RGS9: variants seen among roughly 807,000 people sequenced by gnomAD.
RGS9 encodes the protein regulator of G-protein signalling 9.
A neutral mutation model predicts 102.0 loss-of-function variants in RGS9; 78 were observed. That is an observed-to-expected ratio of 0.76 (90% CI 0.64 to 0.92). RGS9 has a LOEUF of 0.92. RGS9 is among the 40% of genes least tolerant of loss of function. The probability of loss-of-function intolerance (pLI) is 0.00; values close to 1 mark genes in which losing one functional copy is unlikely to be tolerated. For missense variants in RGS9, 833 were observed against 866.1 expected, an observed-to-expected ratio of 0.96 and a Z score of 0.48; for synonymous variants, 353 against 318.6, an observed-to-expected ratio of 1.11 and a Z score of -1.15.
chr17:65,141,827 T>C (rs1197491900), intron 1 of RGS9, among the ~76,000 whole-genome samples: 2 of 151,622 alleles, frequency 1.3e-5, no homozygotes, highest in East Asian at 3.9e-4. Context: ...AGGAAATGAG[T>C]GACATTTTAG....
intron 1 of RGS9, among the ~76,000 whole-genome samples, chr17:65,145,693 A>C (rs2007246): frequency 0.37 from 55,782 of 151,736 alleles, 14,574 homozygotes; most frequent in African/African-American, 0.75. Context: ...GTGCACCTGG[A>C]CTCATTTCAC....
At chr17:65,155,151 C>T (rs141889622) in intron 2 of RGS9, among the ~76,000 whole-genome samples, 30 of 152,358 alleles carry the variant, frequency 2.0e-4, no homozygotes, top group African/African-American at 6.7e-4. Flanking sequence ...ACCAGCGTAG[C>T]TCTGGGCACC....
Position 65,158,363 on chromosome 17 carries a change from A to G in RGS9, c.205+18A>G. The G allele has an allele frequency of 4.3e-6, 7 of 1,611,950 alleles. No homozygotes were observed. The highest frequency in any genetic ancestry group is 5.9e-6 in the Non-Finnish European group (7 of 1,178,090). On this transcript the variant is annotated intron_variant, in intron 3 of 18. Transcript: ENST00000262406. Reference sequence around the variant, plus strand: ...CAGTCTGGGTGAGAGCTCATCTGGCACTCAGTTATCCGGGACAGCTTTGTG... The same window carrying G: ...CAGTCTGGGTGAGAGCTCATCTGGCGCTCAGTTATCCGGGACAGCTTTGTG...
In RGS9 at chr17:65,160,599, A is replaced by G. The variant is rs1462109038; in HGVS notation, c.364+12A>G. The G allele has an allele frequency of 6.2e-7, 1 of 1,613,836 alleles. No homozygotes were observed. Among genetic ancestry groups the G allele is most frequent in the Non-Finnish European group, 8.5e-7 (1 of 1,179,824 alleles). On this transcript the variant is annotated intron_variant, in intron 5 of 18. Coordinates refer to ENST00000262406, the MANE Select transcript of RGS9 (RefSeq NM_003835.4). ...AGATACCGATTACGGTAAATACTTC[A>G]GCCCCAACTATGCCTTTGGTAGTGC...
rs781522547 is a variant in RGS9 at position 65,173,683 on chromosome 17, C to T, written c.583-4049C>T. ...GCCTCCTTATCTGCGGGCCACACAC[C>T]GCAGGATGCATCGGCTGCCCTTATT... On this transcript the variant is annotated intron_variant, in intron 8 of 18. Coordinates refer to ENST00000262406, the MANE Select transcript of RGS9 (RefSeq NM_003835.4). This position sits in a 1 kb window ranked among gnomAD's most constrained non-coding sequence, Gnocchi z 4.8. 3.9e-5 allele frequency among the ~76,000 whole-genome samples: 6 copies of T among 152,208 alleles called. No homozygotes were observed. Among genetic ancestry groups the T allele is most frequent in the South Asian group, 2.1e-4 (1 of 4,832 alleles).
intron 13 of RGS9, among the ~76,000 whole-genome samples, chr17:65,200,020 T>C (rs1567885478): frequency 6.6e-6 from 1 of 152,052 alleles, no homozygotes; most frequent in Non-Finnish European, 1.5e-5. Context: ...GTATGTAACA[T>C]AAATTTTACC....
At chr17:65,143,003 C>G (rs1042199054) in intron 1 of RGS9, among the ~76,000 whole-genome samples, 10 of 152,046 alleles carry the variant, frequency 6.6e-5, no homozygotes, top group African/African-American at 9.7e-5. Flanking sequence ...GGGATCCTCT[C>G]ACCTTGGCTT....
At chr17:65,174,436 T>C (rs1911537473) in intron 8 of RGS9, among the ~76,000 whole-genome samples, 1 of 151,548 alleles carries the variant, frequency 6.6e-6, no homozygotes, top group East Asian at 1.9e-4. Context: ...TGTGTGCGAG[T>C]GTGTGTACAT....
intron 11 of RGS9, among the ~76,000 whole-genome samples, chr17:65,191,280 G>T (rs140405907): frequency 0.019 from 2,830 of 152,252 alleles, 34 homozygotes; most frequent in South Asian, 0.032. Flanking sequence ...CCCAAGGATA[G>T]TTCTTAGACC....
chr17:65,137,734 C>T (rs1226861000), intron 1 of RGS9, 137 bp downstream of exon 1: 2 of 740,470 alleles, frequency 2.7e-6, no homozygotes, highest in Middle Eastern at 4.7e-4. Flanking sequence ...TAAGTGACTT[C>T]TTTGCTGTGT....
chr17:65,153,662 C>A (rs538856081), intron 2 of RGS9, 144 bp downstream of exon 2: 8 of 690,042 alleles, frequency 1.2e-5, no homozygotes, highest in Admixed American at 8.2e-5. Context: ...GAGGCCGAGG[C>A]GGGTGGATCA....
At position 65,225,294 on chromosome 17, in the gene RGS9, G is replaced by A. The variant is rs1355428022; in HGVS notation, c.1700G>A (p.Arg567His). ...SEASLDTSWP[R>H]SRPRAPPKAR... ...GCCTCCCTCGACACCTCCTGGCCTC[G>A]CAGCCGGCCCAGGGCCCCTCCTAAG... The change falls in exon 18 of 19, where the codon CGC becomes CAC. Residue 567 changes from arginine (R) to histidine (H), a missense_variant. By Grantham distance (29) the Arg-to-His change is conservative (BLOSUM62 0). Around this residue, in one of 3 missense-constraint regions of RGS9, gnomAD observed 320 missense variants for 276.8 expected, o/e 1.16. Coordinates refer to ENST00000262406, the MANE Select transcript of RGS9 (RefSeq NM_003835.4). 6 of 1,609,022 alleles carry A rather than the reference G, an allele frequency of 3.7e-6. No homozygotes were observed. The highest frequency in any genetic ancestry group is 4.2e-6 in the Non-Finnish European group (5 of 1,179,934).
At chr17:65,158,823 C>A in intron 3 of RGS9, 1 of 256,008 alleles carries the variant, frequency 3.9e-6, no homozygotes, top group Non-Finnish European at 7.7e-6. Flanking sequence ...GGGAGATAGG[C>A]AATAGGAAGC....
At chr17:65,192,641 C>T (rs1303722359) in intron 11 of RGS9, among the ~76,000 whole-genome samples, 1 of 151,296 alleles carries the variant, frequency 6.6e-6, no homozygotes, top group Non-Finnish European at 1.5e-5. Flanking sequence ...TACGAAATTA[C>T]AGCTAGATAG....
At chr17:65,192,563 A>G (rs1216925922) in intron 11 of RGS9, among the ~76,000 whole-genome samples, 1 of 151,866 alleles carries the variant, frequency 6.6e-6, no homozygotes, top group Non-Finnish European at 1.5e-5. Context: ...GCAGTGAGCC[A>G]TGATTGCATC....
chr17:65,139,006 T>G (rs1910030163), intron 1 of RGS9, among the ~76,000 whole-genome samples: 1 of 93,116 alleles, frequency 1.1e-5, no homozygotes, highest in East Asian at 3.4e-4. Flanking sequence ...CAGCATCCCC[T>G]CCTCCACCCA....
intron 7 of RGS9, among the ~76,000 whole-genome samples, chr17:65,167,546 C>T (rs916814185): frequency 7.2e-5 from 11 of 152,054 alleles, no homozygotes; most frequent in Non-Finnish European, 1.0e-4. Flanking sequence ...GAAAAAGCCC[C>T]GACGTGGCAT....
chr17:65,168,357 T>C (rs995042689), intron 8 of RGS9, 76 bp downstream of exon 8: 29 of 987,032 alleles, frequency 2.9e-5, no homozygotes, highest in Non-Finnish European at 4.4e-5. Context: ...CCATACCTGT[T>C]GCCAACTCCT....
intron 9 of RGS9, chr17:65,189,028 T>C (rs1308114909): frequency 3.6e-6 from 2 of 556,384 alleles, no homozygotes; most frequent in Non-Finnish European, 6.4e-6. Context: ...TAGTCCTTAA[T>C]TGATCTTGGC....
Sources: gnomAD v4.1 joint callset for allele counts (sites outside exome capture counted in the v4.1 genomes callset) on GRCh38, gnomAD v4.1.1 for gene constraint, gnomAD v4.1.1 regional missense constraint, Gnocchi (gnomAD v3.1) non-coding constraint, MANE v1.5 for transcripts, NCBI Gene and HGNC (gene_info 2026-07-23, HGNC 2026-07-21) for gene names.